PDE11A: variants seen among roughly 807,000 people sequenced by gnomAD.
PDE11A encodes phosphodiesterase 11A.
In PDE11A, 100 loss-of-function variants were observed where a neutral mutation model predicts 100.5. The ratio of observed to expected loss-of-function variants is 1.00; its 90% CI spans 0.85 to 1.18. The LOEUF (loss-of-function observed/expected upper bound fraction) is 1.18. Ranked by LOEUF, PDE11A falls within the 50% of genes most tolerant of loss-of-function variation. The pLI is 0.00. For synonymous variants in PDE11A, 381 were observed against 420.8 expected (o/e 0.91, Z 1.16); for missense variants, 1,141 against 1,152.6 (o/e 0.99, Z 0.15).
chr2:177,704,353 T>A (rs182901141), intron 13 of PDE11A, among the ~76,000 whole-genome samples: 2,611 of 152,254 alleles, frequency 0.017, 66 homozygotes, highest in African/African-American at 0.059. Flanking sequence ...GGGGTTTTTT[T>A]AAAGTAAAAC....
chr2:177,952,374 A>T (rs1220387209), intron 2 of PDE11A, among the ~76,000 whole-genome samples: 1 of 152,110 alleles, frequency 6.6e-6, no homozygotes, highest in Admixed American at 6.5e-5. Flanking sequence ...TGCACTGTAA[A>T]TCAAAGTGCC....
chr2:177,786,781 G>A (rs1396465706), intron 9 of PDE11A, among the ~76,000 whole-genome samples: 1 of 152,096 alleles, frequency 6.6e-6, no homozygotes, highest in East Asian at 1.9e-4. Context: ...TGGAAGAAAG[G>A]GTATCAGTGA....
intron 2 of PDE11A, among the ~76,000 whole-genome samples, chr2:177,924,685 T>G (rs900507915): frequency 1.3e-5 from 2 of 152,128 alleles, no homozygotes; most frequent in African/African-American, 4.8e-5. Context: ...TATATCTTTA[T>G]GGCTTTATAT....
At chr2:177,786,343 A>G (rs1191911996) in intron 9 of PDE11A, among the ~76,000 whole-genome samples, 1 of 152,126 alleles carries the variant, frequency 6.6e-6, no homozygotes, top group Non-Finnish European at 1.5e-5. Context: ...TGTTAGAAGG[A>G]AAACTAACAA....
intron 4 of PDE11A, among the ~76,000 whole-genome samples, chr2:177,889,312 G>T (rs921081738): frequency 6.6e-6 from 1 of 152,132 alleles, no homozygotes; most frequent in African/African-American, 2.4e-5. Context: ...TGATTTTTTT[G>T]TGTGTAAATG....
intron 2 of PDE11A, among the ~76,000 whole-genome samples, chr2:177,986,817 T>A (rs2085945858): frequency 7.0e-6 from 1 of 142,326 alleles, no homozygotes; most frequent in African/African-American, 2.6e-5. Flanking sequence ...GGCAACAGAG[T>A]GAGACTCCAT....
rs377055125 is a variant in PDE11A, at chr2:177,880,094, A to T, written c.1303-4171T>A. ...ATGATCAAAGTCAGACACTGTATTC[A>T]TGAACCACGATTGACCTTGTATGTA... On this transcript the variant is annotated intron_variant, in intron 4 of 19. Coordinates refer to ENST00000286063, the MANE Select transcript of PDE11A (RefSeq NM_016953.4). 2.5e-4 allele frequency among the ~76,000 whole-genome samples: 38 copies of T among 152,326 alleles called. No homozygotes were observed. In the South Asian group the frequency reaches 5.8e-3, roughly 23 times the overall value.
chr2:177,950,263 A>G (rs945160128), intron 2 of PDE11A, among the ~76,000 whole-genome samples: 3 of 151,796 alleles, frequency 2.0e-5, no homozygotes, highest in Admixed American at 6.6e-5. Flanking sequence ...CCAGAGCTCA[A>G]TTTGCTAGAG....
intron 1 of PDE11A, among the ~76,000 whole-genome samples, chr2:178,069,367 T>A (rs1394012575): frequency 2.0e-5 from 3 of 151,952 alleles, no homozygotes; most frequent in South Asian, 2.1e-4. Context: ...AAGAGTAGCA[T>A]AAGTAAAATG....
intron 10 of PDE11A, among the ~76,000 whole-genome samples, chr2:177,753,071 CA>C: frequency 6.6e-6 from 1 of 152,304 alleles, no homozygotes; most frequent in Non-Finnish European, 1.5e-5. Context: ...TGAGCTCTTA[CA>C]AATCAAACTG....
chr2:178,094,178 G>C (rs533121518), intron 2 of PDE11A, among the ~76,000 whole-genome samples: 1 of 151,628 alleles, frequency 6.6e-6, no homozygotes, highest in Non-Finnish European at 1.5e-5. Context: ...AATACACACA[G>C]TACACACGCA....
At chr2:177,824,276 A>G (rs534615951) in intron 6 of PDE11A, among the ~76,000 whole-genome samples, 2 of 152,328 alleles carry the variant, frequency 1.3e-5, no homozygotes, top group Non-Finnish European at 2.9e-5. Flanking sequence ...GGGGCTGGAG[A>G]TACCAATCTT....
At chr2:177,811,533 TAAAGGCTAGAACAGTAGAAAATG>T (rs2082948973) in intron 9 of PDE11A, among the ~76,000 whole-genome samples, 1 of 148,630 alleles carries the variant, frequency 6.7e-6, no homozygotes, top group Non-Finnish European at 1.5e-5. Flanking sequence ...CTCCAATTTT[TAAAGGCTAGAACAGTAGAAAATG>T]TTTTGTATGC....
At chr2:177,795,973 A>ATATATATC (rs1553475866) in intron 9 of PDE11A, among the ~76,000 whole-genome samples, 3 of 129,394 alleles carry the variant, frequency 2.3e-5, no homozygotes, top group South Asian at 2.6e-4. Flanking sequence ...ATATATATAT[A>ATATATATC]TATCTTTGCT....
At chr2:178,099,182 T>C (rs933024406) in intron 2 of PDE11A, among the ~76,000 whole-genome samples, 9 of 152,120 alleles carry the variant, frequency 5.9e-5, no homozygotes, top group African/African-American at 2.2e-4. Flanking sequence ...TCCCAGCACT[T>C]TGGGAGGCCG....
intron 2 of PDE11A, among the ~76,000 whole-genome samples, chr2:178,098,143 T>C (rs564878940): frequency 6.6e-6 from 1 of 152,318 alleles, no homozygotes; most frequent in East Asian, 1.9e-4. Context: ...ACATAAAGCA[T>C]ATAAAATCCT....
At chr2:178,011,316 T>C (rs2086271720) in intron 2 of PDE11A, among the ~76,000 whole-genome samples, 1 of 152,158 alleles carries the variant, frequency 6.6e-6, no homozygotes, top group African/African-American at 2.4e-5. Context: ...GCTAAGCTGA[T>C]TGCTACAGAG....
intron 5 of PDE11A, among the ~76,000 whole-genome samples, chr2:177,870,730 T>C (rs762815559): frequency 6.6e-6 from 1 of 152,210 alleles, no homozygotes; most frequent in Non-Finnish European, 1.5e-5. Context: ...CCTGGACATA[T>C]TTCTTAATTC....
At chr2:177,780,802 T>C (rs560010617) in intron 9 of PDE11A, among the ~76,000 whole-genome samples, 1 of 152,364 alleles carries the variant, frequency 6.6e-6, no homozygotes, top group Non-Finnish European at 1.5e-5. Context: ...TTGAAGAGAA[T>C]TAGGGCCTTG....
Sources: gnomAD v4.1 joint callset for allele counts (sites outside exome capture counted in the v4.1 genomes callset) on GRCh38, gnomAD v4.1.1 for gene constraint, MANE v1.5 for transcripts, NCBI Gene and HGNC (gene_info 2026-07-23, HGNC 2026-07-21) for gene names.